The following FOXP1 variants were observed in gnomAD, a reference collection of about 807,000 sequenced individuals.
FOXP1 encodes forkhead box P1.
In FOXP1, 15 loss-of-function variants were observed where a neutral mutation model predicts 98.2. The observed-to-expected ratio is 0.15, with a 90% CI of 0.10 to 0.24. The LOEUF is 0.24. Among genes scored for constraint, FOXP1 ranks in the 10% least tolerant of loss-of-function variants. FOXP1 has a pLI of 1.00. For synonymous variants in FOXP1, 371 were observed against 314.5 expected (o/e 1.18, Z -1.90); for missense variants, 633 against 848.5 (o/e 0.75, Z 3.15).
At chr3:71,424,180 A>G (rs2108345687) in intron 3 of FOXP1, among the ~76,000 whole-genome samples, 1 of 152,290 alleles carries the variant, frequency 6.6e-6, no homozygotes, top group East Asian at 1.9e-4. Context: ...ATGGTCCTTT[A>G]ACCATAGTCT....
chr3:71,345,397 TACACACACACACACACACACAC>T (rs71120315), intron 4 of FOXP1, among the ~76,000 whole-genome samples: 3 of 141,854 alleles, frequency 2.1e-5, no homozygotes, highest in South Asian at 2.3e-4. Flanking sequence ...CAAATATATA[TACACACACACACACACACACAC>T]ACACACACAC....
At chr3:71,390,345 G>A (rs1352716207) in intron 3 of FOXP1, among the ~76,000 whole-genome samples, 1 of 152,160 alleles carries the variant, frequency 6.6e-6, no homozygotes, top group Non-Finnish European at 1.5e-5. Flanking sequence ...AGGGCCAAGA[G>A]GTTCAGGCTT....
intron 6 of FOXP1, among the ~76,000 whole-genome samples, chr3:71,182,407 GAATTA>G (rs2062366175): frequency 6.6e-6 from 1 of 151,862 alleles, no homozygotes; most frequent in South Asian, 2.1e-4. Flanking sequence ...GTGTGAATGT[GAATTA>G]AATTAAAAAT....
chr3:71,324,204 C>A (rs1256886792), intron 4 of FOXP1, among the ~76,000 whole-genome samples: 1 of 152,094 alleles, frequency 6.6e-6, no homozygotes, highest in Non-Finnish European at 1.5e-5. Context: ...TAAAGACACA[C>A]ACATGTTGTT....
At chr3:71,201,251 T>C (rs779710201) in intron 5 of FOXP1, among the ~76,000 whole-genome samples, 10 of 152,178 alleles carry the variant, frequency 6.6e-5, no homozygotes, top group Non-Finnish European at 1.3e-4. Context: ...ACAACATGAG[T>C]GCCTTGTTCA....
At chr3:71,406,405 G>GTATGTGTATATATATATATATATA (rs2082336447) in intron 3 of FOXP1, among the ~76,000 whole-genome samples, 3 of 105,944 alleles carry the variant, frequency 2.8e-5, no homozygotes, top group Non-Finnish European at 4.4e-5. Context: ...AACTGTATGT[G>GTATGTGTATATATATATATATATA]TATATATATA....
intron 6 of FOXP1, chr3:71,130,944 C>G: frequency 3.2e-6 from 4 of 1,236,800 alleles, no homozygotes; most frequent in Non-Finnish European, 4.1e-6. Flanking sequence ...CAAGCCCTAG[C>G]CAAACACAGC....
At chr3:71,189,142 G>C (rs916996032) in intron 6 of FOXP1, among the ~76,000 whole-genome samples, 1 of 152,174 alleles carries the variant, frequency 6.6e-6, no homozygotes, top group African/African-American at 2.4e-5. Context: ...AATAGCACCA[G>C]CTGTTTAATA....
chr3:71,581,716 C>T lies in FOXP1; in HGVS notation c.-446-19G>A, dbSNP rs1182650012. ...TCGGGTTCTGCAGTCGACAAGAAAC[C>T]GGGGCGACCCTCAGCAAGTCTTCCC... On this transcript the variant is annotated intron_variant, in intron 1 of 20. Coordinates refer to ENST00000649528, the MANE Select transcript of FOXP1 (RefSeq NM_001349338.3). 1.0e-6 allele frequency: 1 copy of T among 985,704 alleles called. No individual in the cohort carries two copies. The highest frequency in any genetic ancestry group is 1.7e-5 in the African/African-American group (1 of 57,356). The allele number at this position is 985,704 out of a possible 1,614,324, so 61.1% of individuals were successfully genotyped here. A position where few individuals can be genotyped will look rare whatever the true frequency, so the allele number is the denominator to read the frequency against.
At chr3:71,428,339 T>C (rs531985073) in intron 3 of FOXP1, among the ~76,000 whole-genome samples, 1 of 152,346 alleles carries the variant, frequency 6.6e-6, no homozygotes, top group African/African-American at 2.4e-5. Context: ...GCAATCCCTT[T>C]TTGGTTTTAA....
intron 7 of FOXP1, among the ~76,000 whole-genome samples, chr3:71,109,029 G>A (rs192122061): frequency 2.9e-4 from 44 of 152,318 alleles, no homozygotes; most frequent in Middle Eastern, 3.4e-3. Context: ...AAAAATTTGC[G>A]AAGCAAATGA....
At chr3:70,977,087 CAG>C in intron 16 of FOXP1, 45 bp from the exon 17 acceptor site, 5 of 1,252,658 alleles carry the variant, frequency 4.0e-6, no homozygotes, top group South Asian at 2.4e-5. Context: ...ACCAAATCAG[CAG>C]AGTCGTCATT....
At chr3:71,216,589 A>G (rs2108486234) in intron 5 of FOXP1, among the ~76,000 whole-genome samples, 1 of 152,246 alleles carries the variant, frequency 6.6e-6, no homozygotes, top group Non-Finnish European at 1.5e-5. Flanking sequence ...GAGTTGATGT[A>G]TGTAAGATGG....
intron 3 of FOXP1, among the ~76,000 whole-genome samples, chr3:71,462,043 A>G (rs1222415888): frequency 6.6e-6 from 1 of 152,162 alleles, no homozygotes; most frequent in Non-Finnish European, 1.5e-5. Flanking sequence ...AACTATCACT[A>G]CCTGGTGTTG....
chr3:71,157,727 C>G (rs1436133369), intron 6 of FOXP1, among the ~76,000 whole-genome samples: 8 of 152,128 alleles, frequency 5.3e-5, no homozygotes, highest in Non-Finnish European at 8.8e-5. Flanking sequence ...TAGTTAGAGG[C>G]TAGTGATACA....
At chr3:71,582,296 G>A (rs2048242722) in intron 1 of FOXP1, 3 of 978,170 alleles carry the variant, frequency 3.1e-6, no homozygotes, top group Non-Finnish European at 3.6e-6. Context: ...GGAGGGAGGC[G>A]GGAGGCGGGG....
chr3:71,450,580 G>C (rs2086854843), intron 3 of FOXP1, among the ~76,000 whole-genome samples: 1 of 152,180 alleles, frequency 6.6e-6, no homozygotes, highest in Non-Finnish European at 1.5e-5. Context: ...CTAATGTCTA[G>C]TGTACTGTGA....
chr3:71,376,713 C>T (rs1292071031), intron 3 of FOXP1, among the ~76,000 whole-genome samples: 1 of 152,220 alleles, frequency 6.6e-6, no homozygotes, highest in Non-Finnish European at 1.5e-5. Flanking sequence ...TTAACTTCCT[C>T]TTAGCCTTTT....
chr3:71,539,278 ATTTTTTT>A (rs59674177), intron 2 of FOXP1, among the ~76,000 whole-genome samples: 1 of 114,962 alleles, frequency 8.7e-6, no homozygotes, highest in Admixed American at 8.7e-5. Context: ...TGCCCAGCTA[ATTTTTTT>A]TTTTTTTTTT....
Sources: allele counts gnomAD v4.1 joint callset (sites outside exome capture counted in the v4.1 genomes callset), GRCh38; gene constraint gnomAD v4.1.1; transcripts MANE v1.5; gene names NCBI Gene and HGNC (gene_info 2026-07-23, HGNC 2026-07-21).